The following FRMD3 variants were observed in gnomAD, a reference collection of about 807,000 sequenced individuals.
FRMD3 encodes FERM domain-containing protein 3.
In FRMD3, 33 loss-of-function variants were observed where a neutral mutation model predicts 70.2. The ratio of observed to expected loss-of-function variants is 0.47; its 90% confidence interval spans 0.36 to 0.63. FRMD3 has a LOEUF of 0.63. Among genes scored for constraint, FRMD3 ranks in the 20% least tolerant of loss-of-function variants. The pLI is 0.00. For missense variants in FRMD3, 632 were observed against 711.4 expected, an observed-to-expected ratio of 0.89 and a Z score of 1.27; for synonymous variants, 279 against 255.9, an observed-to-expected ratio of 1.09 and a Z score of -0.86.
chr9:83,311,272 A>C (rs7869062), intron 8 of FRMD3, among the ~76,000 whole-genome samples: 26,772 of 147,568 alleles, frequency 0.18, 2,466 homozygotes, highest in African/African-American at 0.22. Context: ...AATGCGCCTG[A>C]CTGAGAATGG....
At chr9:83,478,121 A>C (rs541631327) in intron 1 of FRMD3, among the ~76,000 whole-genome samples, 2 of 152,328 alleles carry the variant, frequency 1.3e-5, no homozygotes, top group African/African-American at 4.8e-5. Flanking sequence ...CTGTGTCAAA[A>C]GACTTGCATT....
chr9:83,502,092 G>A (rs1829081934), intron 1 of FRMD3, among the ~76,000 whole-genome samples: 1 of 152,196 alleles, frequency 6.6e-6, no homozygotes, highest in Non-Finnish European at 1.5e-5. Context: ...TTTTAGGTAT[G>A]GACCTGGGGT....
chr9:83,562,953 G>C, the FRMD3 span, among the ~76,000 whole-genome samples: 2 of 142,482 alleles, frequency 1.4e-5, no homozygotes, highest in Non-Finnish European at 3.0e-5. Context: ...TTGAATGAGA[G>C]AAGAGCTGAA....
intron 3 of FRMD3, among the ~76,000 whole-genome samples, chr9:83,363,553 CTTTT>C (rs34789292): frequency 0.13 from 14,802 of 113,046 alleles, 722 homozygotes; most frequent in African/African-American, 0.2. Context: ...GAGACATAGG[CTTTT>C]TTTTTTTTTT....
Position 83,313,651 on chromosome 9 carries a change from G to A in FRMD3, c.684+9C>T, listed in dbSNP as rs1835451080. ...CATTATATGGTGACCTGCTGTGAGG[G>A]GCAGTTACCTTGCATGGGTGAGGAT... On this transcript the variant is annotated intron_variant, in intron 7 of 13. Transcript: ENST00000304195. 4.4e-6 allele frequency: 7 copies of A among 1,607,130 alleles called. No individual in the cohort carries two copies. The highest frequency in any genetic ancestry group is 6.0e-6 in the Non-Finnish European group (7 of 1,173,682).
chr9:83,260,761 A>G (rs1342652104), intron 13 of FRMD3, among the ~76,000 whole-genome samples: 1 of 152,120 alleles, frequency 6.6e-6, no homozygotes, highest in African/African-American at 2.4e-5. Context: ...AGTCCCTCAA[A>G]TGTTTTCTAT....
the FRMD3 span, among the ~76,000 whole-genome samples, chr9:83,585,279 G>A: frequency 6.6e-6 from 1 of 152,162 alleles, no homozygotes; most frequent in Non-Finnish European, 1.5e-5. Flanking sequence ...GCAGCAAAGC[G>A]AGCAGCCAGG....
intron 3 of FRMD3, among the ~76,000 whole-genome samples, chr9:83,364,546 C>A (rs1251363535): frequency 1.3e-5 from 2 of 150,698 alleles, no homozygotes; most frequent in African/African-American, 4.9e-5. Flanking sequence ...CAGAGCAAGA[C>A]CCCATCTCCA....
intron 13 of FRMD3, among the ~76,000 whole-genome samples, chr9:83,285,360 C>T (rs142086027): frequency 2.0e-4 from 31 of 152,302 alleles, no homozygotes; most frequent in Middle Eastern, 3.4e-3. Context: ...GATACTTTCT[C>T]GATCATATGC....
At chr9:83,373,271 T>A (rs996737361) in intron 2 of FRMD3, among the ~76,000 whole-genome samples, 3 of 152,200 alleles carry the variant, frequency 2.0e-5, no homozygotes, top group African/African-American at 7.2e-5. Context: ...TTCTTTGAGC[T>A]GCATGGTTCT....
chr9:83,368,113 C>T (rs1222113726), intron 3 of FRMD3, among the ~76,000 whole-genome samples: 1 of 152,104 alleles, frequency 6.6e-6, no homozygotes, highest in Non-Finnish European at 1.5e-5. Flanking sequence ...GAAAACTATA[C>T]TGGCATGAAA....
At chr9:83,283,008 A>C (rs1219630394) in intron 13 of FRMD3, among the ~76,000 whole-genome samples, 1 of 152,236 alleles carries the variant, frequency 6.6e-6, no homozygotes, top group Non-Finnish European at 1.5e-5. Context: ...GTGAGTACTT[A>C]AGTTGTCAGT....
intron 1 of FRMD3, among the ~76,000 whole-genome samples, chr9:83,451,397 A>T (rs1258483361): frequency 6.7e-6 from 1 of 148,986 alleles, no homozygotes; most frequent in Non-Finnish European, 1.5e-5. Flanking sequence ...CATCACACAC[A>T]CACACACACA....
At chr9:83,302,882 C>T (rs1458806403) in intron 10 of FRMD3, among the ~76,000 whole-genome samples, 1 of 152,146 alleles carries the variant, frequency 6.6e-6, no homozygotes, top group African/African-American at 2.4e-5. Context: ...CAGCCTTCTG[C>T]CTTCCTTTCC....
At chr9:83,276,977 C>T (rs1459586414) in intron 13 of FRMD3, among the ~76,000 whole-genome samples, 5 of 152,100 alleles carry the variant, frequency 3.3e-5, no homozygotes, top group African/African-American at 9.7e-5. Flanking sequence ...GGATTACAGG[C>T]GTGAGCCACC....
At chr9:83,507,215 A>G (rs991277213) in intron 1 of FRMD3, among the ~76,000 whole-genome samples, 2 of 151,556 alleles carry the variant, frequency 1.3e-5, no homozygotes, top group Non-Finnish European at 2.9e-5. Flanking sequence ...AAAAATACAA[A>G]AATTAGCTGG....
intron 3 of FRMD3, among the ~76,000 whole-genome samples, chr9:83,370,567 T>C (rs17402652): frequency 0.024 from 3,628 of 152,288 alleles, 57 homozygotes; most frequent in Non-Finnish European, 0.033. Context: ...GTCATTAGAT[T>C]AAGACTGGCC....
the FRMD3 span, among the ~76,000 whole-genome samples, chr9:83,577,158 C>T: frequency 6.6e-6 from 1 of 152,010 alleles, no homozygotes; most frequent in African/African-American, 2.4e-5. Context: ...TCAAATTGAT[C>T]TATAGATTGA....
intron 1 of FRMD3, among the ~76,000 whole-genome samples, chr9:83,456,872 C>T (rs1396058880): frequency 6.6e-6 from 1 of 151,958 alleles, no homozygotes; most frequent in Non-Finnish European, 1.5e-5. Context: ...CCCAGCTACT[C>T]GAGAGGCTGA....
Sources: gnomAD v4.1 joint callset for allele counts (sites outside exome capture counted in the v4.1 genomes callset) on GRCh38, gnomAD v4.1.1 for gene constraint, MANE v1.5 for transcripts, NCBI Gene and HGNC (gene_info 2026-07-23, HGNC 2026-07-21) for gene names.